The following MGAT4C variants were observed in gnomAD, a reference collection of about 807,000 sequenced individuals.
MGAT4C encodes the protein alpha-1,3-mannosyl-glycoprotein 4-beta-N-acetylglucosaminyltransferase C.
A neutral mutation model predicts 40.1 loss-of-function variants in MGAT4C; 19 were observed. The ratio of observed to expected loss-of-function variants is 0.47; its 90% CI spans 0.33 to 0.70. The LOEUF is 0.70. MGAT4C is among the 30% of genes least tolerant of loss of function. The pLI is 0.02. For missense variants in MGAT4C, 491 were observed against 563.2 expected (o/e 0.87, Z 1.30); for synonymous variants, 181 against 187.1 (o/e 0.97, Z 0.27).
At chr12:86,442,771 CAAAA>C (rs34962466) in intron 2 of MGAT4C, among the ~76,000 whole-genome samples, 1 of 137,864 alleles carries the variant, frequency 7.3e-6, no homozygotes, top group Admixed American at 7.2e-5. Context: ...AACTCTGTCT[CAAAA>C]AAAAAAAAAA....
At chr12:86,744,911 A>T (rs904664643) in intron 1 of MGAT4C, among the ~76,000 whole-genome samples, 2 of 151,620 alleles carry the variant, frequency 1.3e-5, no homozygotes, top group African/African-American at 4.8e-5. Context: ...ATAAGCTTAA[A>T]ATGTGTATTG....
At chr12:86,040,743 A>C (rs942257117) in intron 2 of MGAT4C, among the ~76,000 whole-genome samples, 34 of 152,050 alleles carry the variant, frequency 2.2e-4, no homozygotes, top group African/African-American at 6.3e-4. Flanking sequence ...ACAAACAAAA[A>C]AAAAACTCCT....
intron 1 of MGAT4C, among the ~76,000 whole-genome samples, chr12:86,208,716 A>G (rs1349899294): frequency 1.3e-5 from 2 of 152,058 alleles, no homozygotes; most frequent in African/African-American, 4.8e-5. Context: ...TTGCTTTGAT[A>G]TAATTACAAT....
chr12:86,451,094 G>T (rs1957419119), intron 2 of MGAT4C, among the ~76,000 whole-genome samples: 1 of 152,088 alleles, frequency 6.6e-6, no homozygotes, highest in African/African-American at 2.4e-5. Context: ...AATGTTGGAG[G>T]TGGGGCCTAG....
intron 1 of MGAT4C, among the ~76,000 whole-genome samples, chr12:86,119,660 C>T (rs1879043728): frequency 6.6e-6 from 1 of 151,524 alleles, no homozygotes; most frequent in South Asian, 2.1e-4. Flanking sequence ...CCACCAGCCT[C>T]GGCCTCCCAA....
At chr12:86,501,926 A>C (rs1016939211) in intron 2 of MGAT4C, among the ~76,000 whole-genome samples, 1 of 152,108 alleles carries the variant, frequency 6.6e-6, no homozygotes, top group Admixed American at 6.6e-5. Context: ...TGTCTACCAT[A>C]ATGGCTGAAC....
chr12:86,781,209 T>A (rs1298721895), intron 1 of MGAT4C, among the ~76,000 whole-genome samples: 2 of 152,166 alleles, frequency 1.3e-5, no homozygotes, highest in Admixed American at 6.5e-5. Flanking sequence ...GGTAGTTCCA[T>A]TTTTAGTTCT....
At chr12:86,798,362 T>A (rs1952167739) in intron 1 of MGAT4C, among the ~76,000 whole-genome samples, 2 of 151,984 alleles carry the variant, frequency 1.3e-5, no homozygotes, top group South Asian at 4.1e-4. Context: ...CTTTAATGAA[T>A]CTACTTTCGA....
chr12:86,262,618 C>A (rs1011586766), intron 4 of MGAT4C, among the ~76,000 whole-genome samples: 2 of 151,986 alleles, frequency 1.3e-5, no homozygotes, highest in African/African-American at 4.8e-5. Context: ...TCTGCTTTTG[C>A]TTACTCTCTT....
At chr12:86,061,332 T>C (rs998580238) in intron 1 of MGAT4C, among the ~76,000 whole-genome samples, 4 of 152,156 alleles carry the variant, frequency 2.6e-5, no homozygotes, top group African/African-American at 4.8e-5. Flanking sequence ...CCAGCCCAGA[T>C]ACTGTGCTTT....
intron 2 of MGAT4C, among the ~76,000 whole-genome samples, chr12:86,524,204 C>T (rs1958842151): frequency 6.6e-6 from 1 of 152,106 alleles, no homozygotes; most frequent in African/African-American, 2.4e-5. Context: ...TGTACTTCAG[C>T]CTGTTTTTGT....
At chr12:86,781,667 T>A (rs73181304) in intron 1 of MGAT4C, among the ~76,000 whole-genome samples, 3 of 152,174 alleles carry the variant, frequency 2.0e-5, no homozygotes, top group Non-Finnish European at 2.9e-5. Context: ...CCTGTCCTCA[T>A]AGAAATTCCA....
intron 3 of MGAT4C, among the ~76,000 whole-genome samples, chr12:86,405,646 G>A (rs2136239967): frequency 6.6e-6 from 1 of 151,736 alleles, no homozygotes. Context: ...ATAACCAAAT[G>A]AGCTAAAACA....
intron 1 of MGAT4C, among the ~76,000 whole-genome samples, chr12:86,731,501 T>C (rs986196216): frequency 1.3e-4 from 20 of 152,152 alleles, no homozygotes; most frequent in South Asian, 1.0e-3. Flanking sequence ...TCTTAGTCTC[T>C]TTAAAATTCT....
chr12:86,227,986 G>T (rs978615982), intron 1 of MGAT4C, among the ~76,000 whole-genome samples: 6 of 151,638 alleles, frequency 4.0e-5, no homozygotes, highest in Non-Finnish European at 7.4e-5. Flanking sequence ...CTTTTTTCAA[G>T]TATAATAGCA....
At chr12:86,332,657 T>C (rs1354718960) in intron 4 of MGAT4C, among the ~76,000 whole-genome samples, 1 of 152,000 alleles carries the variant, frequency 6.6e-6, no homozygotes, top group Non-Finnish European at 1.5e-5. Flanking sequence ...TTTTTTTGTG[T>C]GTGTGTGTGA....
At chr12:86,300,946 TG>T (rs1440678197) in intron 4 of MGAT4C, among the ~76,000 whole-genome samples, 4 of 152,096 alleles carry the variant, frequency 2.6e-5, no homozygotes, top group Non-Finnish European at 5.9e-5. Flanking sequence ...TTCAAAACAG[TG>T]GGGAACTTGC....
chr12:86,452,923 A>G (rs1957450830), intron 2 of MGAT4C, among the ~76,000 whole-genome samples: 1 of 152,128 alleles, frequency 6.6e-6, no homozygotes, highest in Non-Finnish European at 1.5e-5. Context: ...GCTTGCTACA[A>G]TGCATATTTT....
chr12:86,290,168 G>C (rs776939153), intron 4 of MGAT4C, among the ~76,000 whole-genome samples: 7 of 151,674 alleles, frequency 4.6e-5, no homozygotes, highest in Non-Finnish European at 1.0e-4. Context: ...TGCCTCAGCC[G>C]CCCAAGTAGC....
Sources: gnomAD v4.1 joint callset for allele counts (sites outside exome capture counted in the v4.1 genomes callset) on GRCh38, gnomAD v4.1.1 for gene constraint, MANE v1.5 for transcripts, NCBI Gene and HGNC (gene_info 2026-07-23, HGNC 2026-07-21) for gene names.